Variants in PRKCE observed in about 807,000 individuals in gnomAD.
PRKCE encodes protein kinase C epsilon, also known as protein kinase C epsilon type.
Under a neutral mutation model 85.4 loss-of-function variants are expected in PRKCE, and 16 were observed. The ratio of observed to expected loss-of-function variants is 0.19; its 90% CI spans 0.13 to 0.28. The LOEUF (loss-of-function observed/expected upper bound fraction) is 0.28, where lower values mean the gene tolerates loss of function less well. Among genes scored for constraint, PRKCE ranks in the 10% least tolerant of loss-of-function variants. PRKCE has a pLI of 1.00. For missense variants in PRKCE, 573 were observed against 975.2 expected, an observed-to-expected ratio of 0.59 and a Z score of 5.49; for synonymous variants, 388 against 371.5, an observed-to-expected ratio of 1.04 and a Z score of -0.51.
At chr2:45,933,836 C>G (rs1699244525) in intron 2 of PRKCE, among the ~76,000 whole-genome samples, 1 of 152,116 alleles carries the variant, frequency 6.6e-6, no homozygotes. Flanking sequence ...CTGCTTATAG[C>G]ACAATCATAA....
At position 45,924,748 on chromosome 2, in the gene PRKCE, G is replaced by A. The variant is rs75543020; in HGVS notation, c.413-51681G>A. On this transcript the variant is annotated intron_variant, in intron 2 of 14. Coordinates refer to ENST00000306156, the MANE Select transcript of PRKCE (RefSeq NM_005400.3). ...CCTACACAGTGCTGAGAAAAAATAT[G>A]TCTTTTCGTCTATACTTAGTGGCAG... Among the ~76,000 whole-genome samples the A allele has an allele frequency of 6.8e-3, 1,042 of 152,350 alleles. 33 individuals carry two copies. In the East Asian group the frequency reaches 0.088, roughly 13 times the overall value.
At chr2:45,942,587 T>C (rs1699963793) in intron 2 of PRKCE, among the ~76,000 whole-genome samples, 1 of 152,180 alleles carries the variant, frequency 6.6e-6, no homozygotes, top group African/African-American at 2.4e-5. Context: ...GTGCACTCAG[T>C]AAATTACTGT....
chr2:45,734,831 G>A (rs745973509), intron 1 of PRKCE, among the ~76,000 whole-genome samples: 10 of 152,206 alleles, frequency 6.6e-5, no homozygotes, highest in Non-Finnish European at 1.3e-4. Flanking sequence ...CCTTCCTGAG[G>A]GCAGCCCTCA....
At chr2:46,009,711 A>C (rs181752113) in intron 9 of PRKCE, among the ~76,000 whole-genome samples, 293 of 152,350 alleles carry the variant, frequency 1.9e-3, no homozygotes, top group African/African-American at 6.6e-3. Context: ...ACTCAATGCA[A>C]CTTATATAAT....
intron 11 of PRKCE, among the ~76,000 whole-genome samples, chr2:46,098,799 G>T (rs1670941194): frequency 6.6e-6 from 1 of 152,086 alleles, no homozygotes; most frequent in Non-Finnish European, 1.5e-5. Context: ...TACTAAAAAT[G>T]AGAATTGTTT....
intron 10 of PRKCE, among the ~76,000 whole-genome samples, chr2:46,031,139 T>A (rs1707486554): frequency 6.6e-6 from 1 of 152,260 alleles, no homozygotes; most frequent in South Asian, 2.1e-4. Flanking sequence ...AATAAATCAC[T>A]TGGGAAAGGA....
chr2:45,765,135 C>T (rs1263085868), intron 1 of PRKCE, among the ~76,000 whole-genome samples: 2 of 152,204 alleles, frequency 1.3e-5, no homozygotes, highest in Non-Finnish European at 2.9e-5. Flanking sequence ...ACGCTTTACC[C>T]TTAATACGTT....
chr2:45,823,131 G>T (rs762262193), intron 1 of PRKCE, among the ~76,000 whole-genome samples: 2 of 152,324 alleles, frequency 1.3e-5, no homozygotes, highest in Admixed American at 1.3e-4. Context: ...CTGTCAAGCC[G>T]TGTGCTCCAG....
chr2:46,091,776 T>C (rs914019277), intron 11 of PRKCE, among the ~76,000 whole-genome samples: 3 of 152,180 alleles, frequency 2.0e-5, no homozygotes, highest in African/African-American at 4.8e-5. Context: ...TACCTCGAAT[T>C]TACATTACTA....
intron 11 of PRKCE, among the ~76,000 whole-genome samples, chr2:46,112,465 C>T (rs1672357260): frequency 6.6e-6 from 1 of 150,450 alleles, no homozygotes; most frequent in African/African-American, 2.4e-5. Flanking sequence ...AATATCTACT[C>T]TCTTTATCCC....
At chr2:45,751,583 TG>T (rs1395001961) in intron 1 of PRKCE, among the ~76,000 whole-genome samples, 1 of 152,182 alleles carries the variant, frequency 6.6e-6, no homozygotes, top group African/African-American at 2.4e-5. Flanking sequence ...AAGGAGGGCC[TG>T]TGGTTTCTCC....
chr2:45,972,076 C>A (rs114420598), intron 2 of PRKCE, among the ~76,000 whole-genome samples: 1 of 152,210 alleles, frequency 6.6e-6, no homozygotes, highest in Non-Finnish European at 1.5e-5. Context: ...TTTACATTCC[C>A]ATGAACAGTG....
intron 1 of PRKCE, chr2:45,686,216 G>A (rs908812775): frequency 1.6e-4 from 25 of 152,122 alleles, no homozygotes; most frequent in African/African-American, 6.0e-4. Flanking sequence ...TAATTTTCCT[G>A]CTTCTATTCT....
At chr2:45,930,058 G>A (rs1239163799) in intron 2 of PRKCE, among the ~76,000 whole-genome samples, 1 of 152,206 alleles carries the variant, frequency 6.6e-6, no homozygotes, top group Non-Finnish European at 1.5e-5. Flanking sequence ...AATATAGTGT[G>A]AGAAATGAAC....
At chr2:45,752,386 G>T (rs1258003513) in intron 1 of PRKCE, among the ~76,000 whole-genome samples, 7 of 152,180 alleles carry the variant, frequency 4.6e-5, no homozygotes, top group Admixed American at 4.6e-4. Flanking sequence ...CCTCAACCCT[G>T]TGCTGAACTG....
chr2:45,785,054 ATACT>A (rs1276799521), intron 1 of PRKCE, among the ~76,000 whole-genome samples: 7 of 152,220 alleles, frequency 4.6e-5, no homozygotes, highest in African/African-American at 1.7e-4. Context: ...CATCTCTCTA[ATACT>A]TATCACCCTC....
chr2:45,692,544 T>C (rs1191094604), intron 1 of PRKCE, among the ~76,000 whole-genome samples: 6 of 152,178 alleles, frequency 3.9e-5, no homozygotes, highest in African/African-American at 1.4e-4. Flanking sequence ...CATTCATCAG[T>C]ACCGAGGGCT....
chr2:45,707,016 A>C (rs1679169296), intron 1 of PRKCE, among the ~76,000 whole-genome samples: 1 of 152,168 alleles, frequency 6.6e-6, no homozygotes, highest in South Asian at 2.1e-4. Context: ...CTGGGGAACT[A>C]GCTCTCTCCC....
At chr2:45,878,728 A>G (rs1694660928) in intron 2 of PRKCE, among the ~76,000 whole-genome samples, 1 of 152,224 alleles carries the variant, frequency 6.6e-6, no homozygotes, top group Admixed American at 6.5e-5. Context: ...TTTTTAAAAC[A>G]GCAGAATAAA....
Sources: allele counts gnomAD v4.1 joint callset (sites outside exome capture counted in the v4.1 genomes callset), GRCh38; gene constraint gnomAD v4.1.1; transcripts MANE v1.5; gene names NCBI Gene and HGNC (gene_info 2026-07-23, HGNC 2026-07-21).